Variants in TENM3 observed in about 807,000 individuals in gnomAD.
TENM3 encodes teneurin-3.
TENM3 carries 63 observed loss-of-function variants against 255.1 expected under a neutral mutation model. The observed-to-expected ratio is 0.25, with a 90% confidence interval of 0.20 to 0.30. TENM3 has a LOEUF of 0.30. Among genes scored for constraint, TENM3 ranks in the 10% least tolerant of loss-of-function variants. The probability of loss-of-function intolerance (pLI) is 1.00; values close to 1 mark genes in which losing one functional copy is unlikely to be tolerated. For synonymous variants in TENM3, 1,306 were observed against 1,322.3 expected, an observed-to-expected ratio of 0.99 and a Z score of 0.27; for missense variants, 2,929 against 3,461.1, an observed-to-expected ratio of 0.85 and a Z score of 3.86.
chr4:182,513,865 C>T (rs1737666522), intron 3 of TENM3, among the ~76,000 whole-genome samples: 1 of 152,242 alleles, frequency 6.6e-6, no homozygotes, highest in Non-Finnish European at 1.5e-5. Flanking sequence ...GTCCATTATC[C>T]ACCTGCCCTG....
chr4:182,528,432 C>T (rs1580840265), intron 3 of TENM3, among the ~76,000 whole-genome samples: 1 of 152,126 alleles, frequency 6.6e-6, no homozygotes, highest in South Asian at 2.1e-4. Context: ...TATACAAATA[C>T]TGTATTATAA....
At chr4:182,560,428 G>C (rs1315202789) in intron 3 of TENM3, among the ~76,000 whole-genome samples, 1 of 152,126 alleles carries the variant, frequency 6.6e-6, no homozygotes, top group African/African-American at 2.4e-5. Context: ...CTCGAGCTCA[G>C]TGCCCCCTCT....
chr4:181,929,562 G>C, the TENM3 span, among the ~76,000 whole-genome samples: 1 of 152,082 alleles, frequency 6.6e-6, no homozygotes, highest in Non-Finnish European at 1.5e-5. Flanking sequence ...AAGAGACTTA[G>C]ACTCCCACAC....
In TENM3 at chr4:182,728,950, C is replaced by T. The variant is rs987174461; in HGVS notation, c.2369-15C>T. 2 of 1,607,676 alleles carry T rather than the reference C, an allele frequency of 1.2e-6. No individual in the cohort carries two copies. The highest frequency in any genetic ancestry group is 1.3e-5 in the African/African-American group (1 of 74,802). Reference sequence around the variant, plus strand: ...AAAGGAAAATTCTCTTACTGGGGAACATTTCTCTCTACAGATGGACTCATT... The same window carrying T: ...AAAGGAAAATTCTCTTACTGGGGAATATTTCTCTCTACAGATGGACTCATT... On this transcript the variant is annotated splice_polypyrimidine_tract_variant and intron_variant, in intron 13 of 27. Transcript: ENST00000511685.
chr4:182,161,817 A>ATATGTGTG lies in TENM3; in HGVS notation c.-76+17066_-76+17067insGTGTGTAT, dbSNP rs1561153629. Among the ~76,000 whole-genome samples, 30 of 29,116 alleles carry ATATGTGTG rather than the reference A, an allele frequency of 1.0e-3. 3 individuals carry two copies. The highest frequency in any genetic ancestry group is 3.5e-3 in the African/African-American group (27 of 7,612). 19.1% of individuals were successfully genotyped at this position (29,116 alleles called of 152,430 possible). On this transcript the variant is annotated intron_variant, in intron 1 of 2. Transcript: ENST00000512480. Reference sequence around the variant, plus strand: ...TGTATATATATACACATATATATGTATATATATACACATATATATGTGTAT... The same window carrying ATATGTGTG: ...TGTATATATATACACATATATATGTATATGTGTGTATATATACACATATATATGTGTAT...
intron 22 of TENM3, among the ~76,000 whole-genome samples, chr4:182,759,897 ATT>A (rs1236494509): frequency 2.6e-5 from 4 of 152,166 alleles, no homozygotes; most frequent in Admixed American, 6.5e-5. Context: ...TTATGTCCCT[ATT>A]GTGATTCATT....
chr4:181,706,254 C>G, the TENM3 span, among the ~76,000 whole-genome samples: 1 of 152,082 alleles, frequency 6.6e-6, no homozygotes, highest in Admixed American at 6.6e-5. Flanking sequence ...TAAGGCCCAC[C>G]CCCAGTGAGC....
At chr4:182,234,477 A>G (rs1233958566) in intron 1 of TENM3, among the ~76,000 whole-genome samples, 1 of 152,214 alleles carries the variant, frequency 6.6e-6, no homozygotes, top group Admixed American at 6.5e-5. Context: ...TCACGCCTGT[A>G]ATCCCAGCAC....
chr4:182,063,566 T>C, the TENM3 span, among the ~76,000 whole-genome samples: 1 of 152,236 alleles, frequency 6.6e-6, no homozygotes. Flanking sequence ...GAAAAAGACC[T>C]TGGACATAAA....
the TENM3 span, among the ~76,000 whole-genome samples, chr4:181,858,409 G>C: frequency 2.0e-5 from 3 of 152,200 alleles, no homozygotes; most frequent in African/African-American, 7.2e-5. Context: ...AAGGACACTA[G>C]TGAGGCACAT....
chr4:181,531,465 C>T, the TENM3 span, among the ~76,000 whole-genome samples: 9 of 152,124 alleles, frequency 5.9e-5, no homozygotes, highest in Admixed American at 1.3e-4. Flanking sequence ...GTTCTTTCTA[C>T]CCTCTGGAAG....
chr4:182,058,051 G>A, the TENM3 span, among the ~76,000 whole-genome samples: 3 of 151,206 alleles, frequency 2.0e-5, no homozygotes, highest in Non-Finnish European at 4.4e-5. Context: ...GTAAAGTCAC[G>A]GAACATGCTA....
chr4:182,471,551 TATA>T (rs952144422), intron 3 of TENM3, among the ~76,000 whole-genome samples: 8 of 152,194 alleles, frequency 5.3e-5, no homozygotes, highest in African/African-American at 1.7e-4. Flanking sequence ...ACAGTAAAAA[TATA>T]ATATTACAAT....
At chr4:182,647,954 A>G (rs950335560) in intron 5 of TENM3, among the ~76,000 whole-genome samples, 1 of 152,184 alleles carries the variant, frequency 6.6e-6, no homozygotes, top group Non-Finnish European at 1.5e-5. Context: ...CATCACCACA[A>G]TACATGAATT....
At chr4:182,576,032 T>C (rs1426575223) in intron 3 of TENM3, among the ~76,000 whole-genome samples, 2 of 152,230 alleles carry the variant, frequency 1.3e-5, no homozygotes, top group Non-Finnish European at 2.9e-5. Context: ...AGAATTCCAC[T>C]TTAAACAAGA....
At chr4:182,650,934 T>A (rs1753225186) in intron 5 of TENM3, among the ~76,000 whole-genome samples, 1 of 133,532 alleles carries the variant, frequency 7.5e-6, no homozygotes, top group South Asian at 2.7e-4. Context: ...AAAACAAAGC[T>A]GTTGCCTATC....
chr4:182,166,341 G>A (rs573197488), intron 1 of TENM3, among the ~76,000 whole-genome samples: 2 of 152,288 alleles, frequency 1.3e-5, no homozygotes, highest in South Asian at 4.1e-4. Context: ...TGAGGGAAGA[G>A]CAGGGAGGAA....
At chr4:182,705,800 A>G (rs1758235680) in intron 12 of TENM3, among the ~76,000 whole-genome samples, 1 of 152,114 alleles carries the variant, frequency 6.6e-6, no homozygotes, top group Non-Finnish European at 1.5e-5. Context: ...CATCCATTCA[A>G]CTGCTTCTGG....
At chr4:182,165,127 G>A (rs1287488397) in intron 1 of TENM3, among the ~76,000 whole-genome samples, 1 of 152,166 alleles carries the variant, frequency 6.6e-6, no homozygotes, top group Admixed American at 6.5e-5. Flanking sequence ...GAAGCCACTG[G>A]TTTAAATCTG....
Sources: gnomAD v4.1 joint callset for allele counts (sites outside exome capture counted in the v4.1 genomes callset) on GRCh38, gnomAD v4.1.1 for gene constraint, MANE v1.5 for transcripts, NCBI Gene and HGNC (gene_info 2026-07-23, HGNC 2026-07-21) for gene names.